The following UBE3A variants were observed in gnomAD, a reference collection of about 807,000 sequenced individuals.
UBE3A encodes ubiquitin protein ligase E3A, also known as ubiquitin-protein ligase E3A.
Under a neutral mutation model 83.4 loss-of-function variants are expected in UBE3A, and 6 were observed. That is an observed-to-expected ratio of 0.07 (90% CI 0.04 to 0.14). UBE3A has a LOEUF of 0.14. UBE3A is among the 10% of genes least tolerant of loss of function. The pLI is 1.00. For synonymous variants in UBE3A, 337 were observed against 355.4 expected (o/e 0.95, Z 0.58); for missense variants, 456 against 1,036.1 (o/e 0.44, Z 7.69).
At chr15:25,402,389 G>A (rs932718223) in intron 4 of UBE3A, among the ~76,000 whole-genome samples, 2 of 152,196 alleles carry the variant, frequency 1.3e-5, no homozygotes, top group Admixed American at 6.5e-5. Flanking sequence ...GGTGGATGTT[G>A]GCCTAGAATT....
At chr15:25,346,925 G>A (rs1439788660) in intron 11 of UBE3A, 1 of 152,092 alleles carries the variant, frequency 6.6e-6, no homozygotes, top group Non-Finnish European at 1.5e-5. Flanking sequence ...AACACCTGAA[G>A]AAATAATGGT....
intron 4 of UBE3A, among the ~76,000 whole-genome samples, chr15:25,387,532 G>A (rs1333927375): frequency 2.0e-5 from 3 of 151,272 alleles, no homozygotes; most frequent in Non-Finnish European, 3.0e-5. Flanking sequence ...AAAAAAAAAA[G>A]AAAAGAAAAG....
chr15:25,398,401 T>C (rs2153000229), intron 4 of UBE3A, among the ~76,000 whole-genome samples: 1 of 152,198 alleles, frequency 6.6e-6, no homozygotes, highest in South Asian at 2.1e-4. Context: ...ATAGATACCT[T>C]GAACAAATTC....
At position 25,339,262 on chromosome 15, in the gene UBE3A, A is replaced by ATAGAGAAAAGG. The variant is rs1483762720; in HGVS notation, c.2499-16_2499-6dup. On this transcript the variant is annotated splice_polypyrimidine_tract_variant and splice_region_variant and intron_variant, in intron 12 of 12. Transcript: ENST00000648336. ...CAAGTATGAGATGTAGGTAACCTAAATAGAGAAAAGGGGAAAAAAACAGGA... is the reference window on the plus strand; with the variant it reads ...CAAGTATGAGATGTAGGTAACCTAAATAGAGAAAAGGTAGAGAAAAGGGGAAAAAAACAGGA... The ATAGAGAAAAGG allele has an allele frequency of 6.2e-7, 1 of 1,611,794 alleles. No individual in the cohort carries two copies. The highest frequency in any genetic ancestry group is 8.5e-7 in the Non-Finnish European group (1 of 1,178,992).
chr15:25,402,428 G>C (rs987784503), intron 4 of UBE3A, among the ~76,000 whole-genome samples: 2 of 152,206 alleles, frequency 1.3e-5, no homozygotes, highest in Non-Finnish European at 2.9e-5. Flanking sequence ...CCAAGTACTG[G>C]GTTTGGACCC....
In UBE3A at chr15:25,334,076, T is replaced by C. The variant is rs1391075223; in HGVS notation, c.*5061A>G. 2.0e-5 allele frequency: 3 copies of C among 152,086 alleles called. No homozygotes were observed. Among genetic ancestry groups the C allele is most frequent in the Non-Finnish European group, 4.4e-5 (3 of 68,006 alleles). The allele number at this position is 152,086 out of a possible 1,614,324, so 9.4% of individuals were successfully genotyped here. A position where few individuals can be genotyped will look rare whatever the true frequency, so the allele number is the denominator to read the frequency against. ...CTCTTGTCACTTCTATCCAATATTG[T>C]ACTGGAGGTGCTAGCCAGCACACTA... On this transcript the variant is annotated 3_prime_UTR_variant, in exon 13 of 13. Transcript: ENST00000648336.
In UBE3A at chr15:25,420,531, T is replaced by C. The variant is rs901726886; in HGVS notation, c.-164-8560A>G. 2.6e-5 allele frequency: 4 copies of C among 152,172 alleles called. 1 individual carries two copies. Among genetic ancestry groups the C allele is most frequent in the South Asian group, 4.1e-4 (2 of 4,822 alleles). The allele number at this position is 152,172 out of a possible 1,614,324, so 9.4% of individuals were successfully genotyped here. A position where few individuals can be genotyped will look rare whatever the true frequency, so the allele number is the denominator to read the frequency against. On this transcript the variant is annotated intron_variant, in intron 1 of 12. Coordinates refer to ENST00000648336, the MANE Select transcript of UBE3A (RefSeq NM_130839.5). Reference sequence around the variant, plus strand: ...ATATGTTCTGAAAAGAATGTGAAAATATTTGAACAGACACACAAAAGAAAA... The same window carrying C: ...ATATGTTCTGAAAAGAATGTGAAAACATTTGAACAGACACACAAAAGAAAA...
At position 25,338,924 on chromosome 15, in the gene UBE3A, A is replaced by C; in HGVS notation, c.*213T>G. On this transcript the variant is annotated 3_prime_UTR_variant, in exon 13 of 13. Transcript: ENST00000648336. ...ATAATAATAAAGGATTTGTTCATATATGTAGCTGAAATCTGCTGTTCCAGC... is the reference window on the plus strand; with the variant it reads ...ATAATAATAAAGGATTTGTTCATATCTGTAGCTGAAATCTGCTGTTCCAGC... 3.0e-6 allele frequency: 1 copy of C among 329,216 alleles called. No individual in the cohort carries two copies. Among genetic ancestry groups the C allele is most frequent in the South Asian group, 7.5e-5 (1 of 13,422 alleles). 20.4% of individuals were successfully genotyped at this position (329,216 alleles called of 1,614,324 possible). A position where few individuals can be genotyped will look rare whatever the true frequency, so the allele number is the denominator to read the frequency against.
intron 8 of UBE3A, 68 bp downstream of exon 8, chr15:25,356,623 C>A (rs904743312): frequency 2.0e-6 from 3 of 1,472,638 alleles, no homozygotes; most frequent in Non-Finnish European, 2.8e-6. Context: ...AAAATTTTGA[C>A]ATAAATTAAA....
At chr15:25,388,177 C>A (rs1440605000) in intron 4 of UBE3A, among the ~76,000 whole-genome samples, 1 of 152,062 alleles carries the variant, frequency 6.6e-6, no homozygotes, top group Non-Finnish European at 1.5e-5. Flanking sequence ...AACTACAGAC[C>A]CATATTTGTC....
chr15:25,422,609 T>C (rs1210085972), intron 1 of UBE3A, among the ~76,000 whole-genome samples: 1 of 151,918 alleles, frequency 6.6e-6, no homozygotes, highest in Non-Finnish European at 1.5e-5. Context: ...TATCCAAAAA[T>C]ATGCTGAATG....
Position 25,371,801 on chromosome 15 carries a change from A to G in UBE3A, c.373T>C (p.Leu125=), listed in dbSNP as rs61734190. ...ATTTCATATACCTTCTCTTCTGTTA[A>G]GTAAGTCACATCTAGAAAATCAGAG... The part of the protein sequence containing the change: ...ARIDFKDVTY[L]TEEKVYEILE... The change falls in exon 6 of 13, where the codon TTA becomes CTA. Residue 125 remains leucine (L), a synonymous_variant. Transcript: ENST00000648336. This position sits in a 1 kb window ranked among gnomAD's most constrained non-coding sequence, Gnocchi z 5.3. 6,250 of 1,609,146 alleles carry G rather than the reference A, an allele frequency of 3.9e-3. 220 individuals carry two copies. In the African/African-American group the frequency reaches 0.072, roughly 19 times the overall value.
chr15:25,390,938 GT>G (rs1157885276), intron 4 of UBE3A, among the ~76,000 whole-genome samples: 2 of 139,918 alleles, frequency 1.4e-5, no homozygotes, highest in African/African-American at 2.8e-5. Flanking sequence ...TAGAACTCCT[GT>G]AAAAAAAAAA....
chr15:25,347,198 T>A (rs990209859), intron 11 of UBE3A: 2 of 152,190 alleles, frequency 1.3e-5, no homozygotes, highest in Admixed American at 6.5e-5. Context: ...ACTCCCTTGA[T>A]AAGTTCTATA....
chr15:25,378,342 C>T (rs1012097400), intron 4 of UBE3A, among the ~76,000 whole-genome samples: 6 of 152,102 alleles, frequency 3.9e-5, no homozygotes, highest in Admixed American at 3.9e-4. Context: ...TGTCCCTAAG[C>T]AGCTGTAGGA....
At position 25,352,357 on chromosome 15, in the gene UBE3A, C is replaced by G. The variant is rs2076630715; in HGVS notation, c.2354+1996G>C. On this transcript the variant is annotated intron_variant, in intron 11 of 12. Coordinates refer to ENST00000648336, the MANE Select transcript of UBE3A (RefSeq NM_130839.5). ...ACCAAAATATCTATACAGGCATACC[C>G]CAGAGATACTGCCGGTTCAGTTTCA... Among the ~76,000 whole-genome samples, 3 of 152,072 alleles carry G rather than the reference C, an allele frequency of 2.0e-5. No individual in the cohort carries two copies. The South Asian group carries it at 6.2e-4, about 31-fold the overall frequency.
intron 4 of UBE3A, among the ~76,000 whole-genome samples, chr15:25,395,173 T>G (rs1310251942): frequency 6.6e-6 from 1 of 152,098 alleles, no homozygotes; most frequent in Non-Finnish European, 1.5e-5. Flanking sequence ...TAGACAGAGA[T>G]GAGCAAGTGC....
intron 5 of UBE3A, among the ~76,000 whole-genome samples, chr15:25,372,625 C>T (rs2080474963): frequency 6.6e-6 from 1 of 152,136 alleles, no homozygotes; most frequent in South Asian, 2.1e-4. Context: ...TATTTTCAGG[C>T]CAAGGCTTTC....
At chr15:25,418,628 G>A (rs1441794583) in intron 1 of UBE3A, 1 of 152,194 alleles carries the variant, frequency 6.6e-6, no homozygotes, top group African/African-American at 2.4e-5. Flanking sequence ...CTAGGAAGAG[G>A]TGTAGGTTCT....
Sources: allele counts gnomAD v4.1 joint callset (sites outside exome capture counted in the v4.1 genomes callset), GRCh38; gene constraint gnomAD v4.1.1; non-coding constraint Gnocchi (gnomAD v3.1); transcripts MANE v1.5; gene names NCBI Gene and HGNC (gene_info 2026-07-23, HGNC 2026-07-21).